SCAI: variants seen among roughly 807,000 people sequenced by gnomAD.
SCAI encodes protein SCAI.
SCAI carries 24 observed loss-of-function variants against 92.2 expected under a neutral mutation model. The ratio of observed to expected loss-of-function variants is 0.26; its 90% CI spans 0.19 to 0.37. The LOEUF (loss-of-function observed/expected upper bound fraction) is 0.37, where lower values mean the gene tolerates loss of function less well. Among genes scored for constraint, SCAI ranks in the 10% least tolerant of loss-of-function variants. The pLI is 1.00. For missense variants in SCAI, 450 were observed against 736.2 expected, an observed-to-expected ratio of 0.61 and a Z score of 4.50; for synonymous variants, 261 against 258.6, an observed-to-expected ratio of 1.01 and a Z score of -0.09.
chr9:125,074,776 G>A (rs1834053493), intron 2 of SCAI, among the ~76,000 whole-genome samples: 2 of 151,642 alleles, frequency 1.3e-5, no homozygotes. Flanking sequence ...AGGCCGAGGT[G>A]GGCAGATCAC....
At chr9:124,963,467 G>C (rs539598891) in intron 17 of SCAI, among the ~76,000 whole-genome samples, 3 of 151,878 alleles carry the variant, frequency 2.0e-5, no homozygotes, top group Non-Finnish European at 4.4e-5. Flanking sequence ...AAATTGGCCA[G>C]GGCTGAGCAC....
At chr9:125,129,955 G>A (rs1003903783) in intron 2 of SCAI, among the ~76,000 whole-genome samples, 6 of 150,958 alleles carry the variant, frequency 4.0e-5, no homozygotes, top group African/African-American at 7.3e-5. Context: ...GTGGAGTGCC[G>A]TAATGCTATC....
chr9:125,095,088 T>G (rs1293691105), intron 2 of SCAI, among the ~76,000 whole-genome samples: 1 of 152,174 alleles, frequency 6.6e-6, no homozygotes, highest in African/African-American at 2.4e-5. Flanking sequence ...CCTGTAGACA[T>G]TACCTCTGCA....
At chr9:125,097,304 G>C (rs1461484352) in intron 2 of SCAI, among the ~76,000 whole-genome samples, 1 of 152,104 alleles carries the variant, frequency 6.6e-6, no homozygotes, top group East Asian at 1.9e-4. Context: ...ATGGTGGTGT[G>C]TGCCTGTAAT....
At chr9:125,050,919 C>T (rs1833548961) in intron 3 of SCAI, among the ~76,000 whole-genome samples, 1 of 152,110 alleles carries the variant, frequency 6.6e-6, no homozygotes, top group Admixed American at 6.6e-5. Flanking sequence ...GGCTGCTATA[C>T]TGGACAACCA....
At chr9:125,108,709 C>G (rs1422004710) in intron 2 of SCAI, among the ~76,000 whole-genome samples, 2 of 150,596 alleles carry the variant, frequency 1.3e-5, no homozygotes, top group African/African-American at 4.9e-5. Context: ...GGAACCCCTC[C>G]GCCCGGCAGC....
chr9:125,068,275 A>G (rs2131157261), intron 2 of SCAI, among the ~76,000 whole-genome samples: 1 of 151,184 alleles, frequency 6.6e-6, no homozygotes, highest in South Asian at 2.1e-4. Flanking sequence ...CCAAGGCAGG[A>G]GGATCGCTTG....
At chr9:125,066,007 A>C (rs375014858) in intron 2 of SCAI, 3 of 771,480 alleles carry the variant, frequency 3.9e-6, no homozygotes, top group Non-Finnish European at 7.2e-6. Context: ...TGAAATGTTG[A>C]TATCTTTCCC....
At chr9:125,103,050 T>A (rs1394958341) in intron 2 of SCAI, among the ~76,000 whole-genome samples, 1 of 152,192 alleles carries the variant, frequency 6.6e-6, no homozygotes, top group South Asian at 2.1e-4. Flanking sequence ...TACAGTCATT[T>A]TTCCACTCTC....
chr9:125,119,666 C>T (rs1273835254), intron 2 of SCAI, among the ~76,000 whole-genome samples: 1 of 152,220 alleles, frequency 6.6e-6, no homozygotes, highest in Non-Finnish European at 1.5e-5. Flanking sequence ...AACTTAGTGG[C>T]TTAAAACAAT....
intron 14 of SCAI, among the ~76,000 whole-genome samples, chr9:124,989,875 TCA>T (rs967755323): frequency 1.8e-5 from 2 of 111,214 alleles, no homozygotes; most frequent in African/African-American, 7.2e-5. Context: ...AGACTGCATC[TCA>T]CACACACACA....
At chr9:124,989,773 C>G (rs1295721455) in intron 14 of SCAI, among the ~76,000 whole-genome samples, 1 of 150,772 alleles carries the variant, frequency 6.6e-6, no homozygotes, top group Non-Finnish European at 1.5e-5. Flanking sequence ...ATCCAAGCTA[C>G]TCAGCAGGCT....
intron 2 of SCAI, among the ~76,000 whole-genome samples, chr9:125,099,565 A>G (rs902054459): frequency 2.0e-5 from 3 of 152,210 alleles, no homozygotes; most frequent in Non-Finnish European, 2.9e-5. Context: ...TACAGACGGC[A>G]GCTTTTCATC....
At chr9:125,031,197 T>C (rs780322306) in intron 3 of SCAI, among the ~76,000 whole-genome samples, 2 of 152,038 alleles carry the variant, frequency 1.3e-5, no homozygotes, top group Non-Finnish European at 2.9e-5. Context: ...TACAGGTACA[T>C]GGAGCTAACT....
chr9:124,997,829 T>C (rs1433343305), intron 13 of SCAI, among the ~76,000 whole-genome samples: 2 of 140,922 alleles, frequency 1.4e-5, no homozygotes, highest in African/African-American at 2.7e-5. Flanking sequence ...TGAGCCAAGA[T>C]AGTGCCACTG....
Position 125,018,871 on chromosome 9 carries a change from C to T in SCAI, c.789G>A (p.Leu263=). 2 of 1,613,824 alleles carry T rather than the reference C, an allele frequency of 1.2e-6. No homozygotes were observed. Among genetic ancestry groups the T allele is most frequent in the Non-Finnish European group, 1.7e-6 (2 of 1,179,802 alleles). Residue 263 remains leucine (L), a synonymous_variant, in exon 9 of 18, where the codon TTG becomes TTA. Coordinates refer to ENST00000336505, the MANE Select transcript of SCAI (RefSeq NM_001144877.3). ...SNRLAETGAP[L]LEQGMIVGQL... ...GTCCCACAATCATGCCCTGTTCCAG[C>T]AATGGGGCTCCTGTTTCAGCAAGGC...
intron 9 of SCAI, among the ~76,000 whole-genome samples, chr9:125,016,715 A>C (rs1037176210): frequency 1.3e-5 from 2 of 152,132 alleles, no homozygotes; most frequent in African/African-American, 2.4e-5. Flanking sequence ...GTCTACTGGA[A>C]ATCCAGAAAG....
At position 125,055,975 on chromosome 9, in the gene SCAI, G is replaced by T; in HGVS notation, c.131C>A (p.Ser44Tyr). 6.2e-7 allele frequency: 1 copy of T among 1,610,128 alleles called. No homozygotes were observed. Among genetic ancestry groups the T allele is most frequent in the South Asian group, 1.1e-5 (1 of 90,584 alleles). The part of the protein sequence containing the change: ...TEFALKEIMS[S>Y]GGAEDDIPQG... ...TGGGATATCATCTTCAGCACCTCCA[G>T]AGGACATGATTTCTTTAAGAGCAAA... The change falls in exon 3 of 18, where the codon TCT becomes TAT. Residue 44 changes from serine (S) to tyrosine (Y), a missense_variant. Ser to Tyr is a moderately radical substitution (Grantham distance 144, BLOSUM62 -2). Transcript: ENST00000336505.
In SCAI at chr9:125,039,317, G is replaced by A. The variant is rs193212911; in HGVS notation, c.231-9578C>T. 9.3e-5 allele frequency among the ~76,000 whole-genome samples: 14 copies of A among 150,926 alleles called. No individual in the cohort carries two copies. The East Asian group carries it at 2.7e-3, about 29-fold the overall frequency. On this transcript the variant is annotated intron_variant, in intron 3 of 17. Transcript: ENST00000336505. Reference sequence around the variant, plus strand: ...CCGGAGAATCGCCTGAATCTGGGAAGTGGAGGCTGCAGTGAACCAAGATCA... The same window carrying A: ...CCGGAGAATCGCCTGAATCTGGGAAATGGAGGCTGCAGTGAACCAAGATCA...
Sources: gnomAD v4.1 joint callset for allele counts (sites outside exome capture counted in the v4.1 genomes callset) on GRCh38, gnomAD v4.1.1 for gene constraint, MANE v1.5 for transcripts, NCBI Gene and HGNC (gene_info 2026-07-23, HGNC 2026-07-21) for gene names.